Variants in IRAK1BP1 observed in about 807,000 individuals in gnomAD.
IRAK1BP1 encodes the protein interleukin-1 receptor-associated kinase 1-binding protein 1.
IRAK1BP1 carries 24 observed loss-of-function variants against 28.0 expected under a neutral mutation model. The ratio of observed to expected loss-of-function variants is 0.86; its 90% CI spans 0.62 to 1.20. The LOEUF is 1.20. Among genes scored for constraint, IRAK1BP1 ranks in the 50% most tolerant of loss-of-function variants. The pLI is 0.00. For missense variants in IRAK1BP1, 336 were observed against 316.7 expected (o/e 1.06, Z -0.46); for synonymous variants, 131 against 116.3 (o/e 1.13, Z -0.81).
At chr6:78,888,188 G>C (rs1238111286) in intron 2 of IRAK1BP1, among the ~76,000 whole-genome samples, 1 of 152,152 alleles carries the variant, frequency 6.6e-6, no homozygotes, top group East Asian at 1.9e-4. Flanking sequence ...GGTTGCCAAA[G>C]AATGGAGGGA....
rs34609668 is a variant in IRAK1BP1 at position 78,940,776 on chromosome 6, T to G, written c.*68-4632T>G. ...CTAGAAGTTCCAAAAGTTAAAGAGG[T>G]GTCTTCGAACAACAGCTGCCTTTGC... On this transcript the variant is annotated intron_variant and NMD_transcript_variant, in intron 4 of 4. Coordinates refer to the IRAK1BP1 transcript ENST00000606868. 4 of 1,613,712 alleles carry G rather than the reference T, an allele frequency of 2.5e-6. No homozygotes were observed. The South Asian group carries it at 4.4e-5, about 18-fold the overall frequency.
the IRAK1BP1 span, among the ~76,000 whole-genome samples, chr6:78,974,588 G>C: frequency 6.6e-6 from 1 of 152,116 alleles, no homozygotes; most frequent in Non-Finnish European, 1.5e-5. Flanking sequence ...GAATCCAGGA[G>C]CTGGTTTTTT....
intron 4 of IRAK1BP1, among the ~76,000 whole-genome samples, chr6:78,924,520 C>T (rs557838592): frequency 2.6e-5 from 4 of 152,288 alleles, no homozygotes; most frequent in South Asian, 2.1e-4. Context: ...CCTTCTGAAA[C>T]TATTCCAATC....
chr6:78,978,636 T>C, the IRAK1BP1 span: 54 of 1,594,862 alleles, frequency 3.4e-5, no homozygotes, highest in Non-Finnish European at 3.7e-5. Flanking sequence ...CGGGGAATGG[T>C]ATCTGTAATC....
chr6:78,915,053 C>G (rs1346105153), intron 4 of IRAK1BP1, among the ~76,000 whole-genome samples: 1 of 152,164 alleles, frequency 6.6e-6, no homozygotes, highest in Non-Finnish European at 1.5e-5. Context: ...CTCCTCACCT[C>G]AGGTGATCCA....
intron 2 of IRAK1BP1, among the ~76,000 whole-genome samples, chr6:78,886,485 AC>A (rs1163583772): frequency 6.6e-6 from 1 of 152,178 alleles, no homozygotes. Flanking sequence ...ACTGAAAAAT[AC>A]CTTTCAAAAC....
At chr6:78,891,784 G>C (rs997530148) in intron 2 of IRAK1BP1, among the ~76,000 whole-genome samples, 1 of 151,950 alleles carries the variant, frequency 6.6e-6, no homozygotes, top group Non-Finnish European at 1.5e-5. Flanking sequence ...TTAATCCTGG[G>C]GTATAATAGG....
the IRAK1BP1 span, among the ~76,000 whole-genome samples, chr6:78,960,415 G>C: frequency 6.6e-6 from 1 of 151,116 alleles, no homozygotes; most frequent in Non-Finnish European, 1.5e-5. Flanking sequence ...CAATTTAAGG[G>C]GTCAAGGGAG....
chr6:78,893,314 G>GTGTATATA (rs1273555034), intron 2 of IRAK1BP1, among the ~76,000 whole-genome samples: 4 of 103,456 alleles, frequency 3.9e-5, no homozygotes, highest in East Asian at 9.1e-4. Context: ...GTGTGTGTGT[G>GTGTATATA]TATATATATA....
chr6:78,882,090 A>G (rs886712336), intron 1 of IRAK1BP1, among the ~76,000 whole-genome samples: 1 of 152,152 alleles, frequency 6.6e-6, no homozygotes, highest in Admixed American at 6.6e-5. Context: ...CCCCAATAGC[A>G]GTGAGCAGTC....
the IRAK1BP1 span, chr6:78,969,864 T>C: frequency 1.9e-6 from 3 of 1,591,910 alleles, no homozygotes; most frequent in African/African-American, 1.3e-5. Context: ...TTTTGCATCA[T>C]CAAATTGTTG....
chr6:78,967,350 CAT>C, the IRAK1BP1 span, among the ~76,000 whole-genome samples: 1 of 152,136 alleles, frequency 6.6e-6, no homozygotes, highest in Non-Finnish European at 1.5e-5. Context: ...TCACACTAAA[CAT>C]AAAGTTTCAA....
At chr6:78,911,478 G>C (rs192915006) in intron 4 of IRAK1BP1, among the ~76,000 whole-genome samples, 1 of 152,124 alleles carries the variant, frequency 6.6e-6, no homozygotes, top group African/African-American at 2.4e-5. Context: ...CAGTTTTTCT[G>C]GATTTTATTT....
chr6:78,920,665 C>T (rs114917185), intron 4 of IRAK1BP1, among the ~76,000 whole-genome samples: 282 of 152,190 alleles, frequency 1.9e-3, no homozygotes, highest in African/African-American at 6.1e-3. Flanking sequence ...AAATGTAAAA[C>T]CTAAAACTGT....
At position 78,916,785 on chromosome 6, in the gene IRAK1BP1, C is replaced by CA. The variant is rs149665722; in HGVS notation, c.*67+13685dup. Among the ~76,000 whole-genome samples, 521 of 147,400 alleles carry CA rather than the reference C, an allele frequency of 3.5e-3. 2 individuals carry two copies. In the Middle Eastern group the frequency reaches 0.039, roughly 11 times the overall value. On this transcript the variant is annotated intron_variant and NMD_transcript_variant, in intron 4 of 4. Transcript: ENST00000606868. ...GACATCAGAGCACTCTAAAACAATA[C>CA]AAAAAAAAAATAGCCGGACATGGTG... is the stretch of plus-strand genomic sequence containing the variant.
Position 78,897,886 on chromosome 6 carries a change from G to A in IRAK1BP1, c.439G>A (p.Glu147Lys), listed in dbSNP as rs553090725. Reference sequence around the variant, plus strand: ...GCAAAATATTTGTAACTTTCTTGTTGAAAAGCTAGATAGCTCTGTTGTCAT... The same window carrying A: ...GCAAAATATTTGTAACTTTCTTGTTAAAAAGCTAGATAGCTCTGTTGTCAT... ...KMQNICNFLV[E>K]KLDSSVVISP... The change falls in exon 3 of 4, where the codon GAA (glutamate) becomes AAA (lysine). Residue 147 changes from glutamate (E) to lysine (K), a missense_variant. Glu to Lys is a moderately conservative substitution (Grantham distance 56). Coordinates refer to ENST00000369940, the MANE Select transcript of IRAK1BP1 (RefSeq NM_001010844.4). The A allele has an allele frequency of 6.2e-7, 1 of 1,613,584 alleles. No individual in the cohort carries two copies. Among genetic ancestry groups the A allele is most frequent in the South Asian group, 1.1e-5 (1 of 91,024 alleles).
the IRAK1BP1 span, among the ~76,000 whole-genome samples, chr6:78,959,853 T>TA: frequency 6.6e-6 from 1 of 152,122 alleles, no homozygotes; most frequent in Admixed American, 6.6e-5. Flanking sequence ...AAATTCAAAA[T>TA]ACCATTAAGT....
At chr6:78,978,814 A>C in the IRAK1BP1 span, 2 of 934,632 alleles carry the variant, frequency 2.1e-6, no homozygotes, top group East Asian at 5.4e-5. Context: ...TAAAAGGGGA[A>C]GGGCACCATT....
intron 2 of IRAK1BP1, among the ~76,000 whole-genome samples, chr6:78,887,371 AAAG>A (rs779721152): frequency 3.3e-5 from 5 of 152,160 alleles, no homozygotes; most frequent in Non-Finnish European, 5.9e-5. Flanking sequence ...TATTATCAAA[AAAG>A]CAGAAGATTG....
Sources: allele counts gnomAD v4.1 joint callset (sites outside exome capture counted in the v4.1 genomes callset), GRCh38; gene constraint gnomAD v4.1.1; transcripts MANE v1.5; gene names NCBI Gene and HGNC (gene_info 2026-07-23, HGNC 2026-07-21).